The following SCUBE1 variants were observed in gnomAD, a reference collection of about 807,000 sequenced individuals.
The protein encoded by SCUBE1 is signal peptide, CUB and EGF-like domain-containing protein 1.
In SCUBE1, 59 loss-of-function variants were observed where a neutral mutation model predicts 124.4. That is an observed-to-expected ratio of 0.47 (90% CI 0.38 to 0.59). SCUBE1 has a LOEUF of 0.59. Among genes scored for constraint, SCUBE1 ranks in the 20% least tolerant of loss-of-function variants. The pLI is 0.00. For missense variants in SCUBE1, 1,150 were observed against 1,371.2 expected (o/e 0.84, Z 2.55); for synonymous variants, 545 against 550.9 (o/e 0.99, Z 0.15).
chr22:43,284,269 C>T (rs180935303), intron 4 of SCUBE1, among the ~76,000 whole-genome samples: 1 of 152,366 alleles, frequency 6.6e-6, no homozygotes, highest in East Asian at 1.9e-4. Flanking sequence ...GAATCCTAAA[C>T]TGTAGGAAGA....
intron 6 of SCUBE1, among the ~76,000 whole-genome samples, chr22:43,239,535 C>T (rs535563422): frequency 6.6e-6 from 1 of 152,392 alleles, no homozygotes; most frequent in Non-Finnish European, 1.5e-5. Flanking sequence ...GGTTTTTGTC[C>T]ACTTGAAGCT....
chr22:43,245,226 G>A lies in SCUBE1; in HGVS notation c.728-6272C>T, dbSNP rs116587483. 2.2e-3 allele frequency among the ~76,000 whole-genome samples: 328 copies of A among 152,368 alleles called. 1 individual carries two copies. Among genetic ancestry groups the A allele is most frequent in the African/African-American group, 7.6e-3 (318 of 41,584 alleles). Reference sequence around the variant, plus strand: ...TGGCCAGCGCTGTGCTGGGCACCACGAATGTGGCCTCCCTTGCGCCTCTGA... The same window carrying A: ...TGGCCAGCGCTGTGCTGGGCACCACAAATGTGGCCTCCCTTGCGCCTCTGA... On this transcript the variant is annotated intron_variant, in intron 6 of 21. Transcript: ENST00000360835.
chr22:43,219,298 A>G (rs1249946906), intron 14 of SCUBE1, among the ~76,000 whole-genome samples: 5 of 151,912 alleles, frequency 3.3e-5, no homozygotes, highest in Admixed American at 6.6e-5. Flanking sequence ...TACTCTTGCT[A>G]TGTGATGCCA....
chr22:43,248,157 T>C (rs1306274466), intron 6 of SCUBE1, among the ~76,000 whole-genome samples: 2 of 152,150 alleles, frequency 1.3e-5, no homozygotes, highest in Non-Finnish European at 2.9e-5. Context: ...AGATGTGGTC[T>C]TGGATGTTTA....
chr22:43,251,978 G>A (rs574717789), intron 6 of SCUBE1, among the ~76,000 whole-genome samples: 1 of 152,148 alleles, frequency 6.6e-6, no homozygotes, highest in Non-Finnish European at 1.5e-5. Context: ...CCCCACGCTG[G>A]GTCCTCAGAG....
intron 2 of SCUBE1, among the ~76,000 whole-genome samples, chr22:43,333,030 T>G (rs935071837): frequency 6.6e-6 from 1 of 152,126 alleles, no homozygotes; most frequent in Admixed American, 6.5e-5. Flanking sequence ...ATCCGGTCTT[T>G]GAGGAGCTCA....
At chr22:43,262,617 G>T (rs566638205) in intron 5 of SCUBE1, 103 bp downstream of exon 5, 1 of 1,404,730 alleles carries the variant, frequency 7.1e-7, no homozygotes. Flanking sequence ...CCATGGGGCT[G>T]GGGACCCTCC....
At chr22:43,253,780 C>T (rs1389845673) in intron 6 of SCUBE1, among the ~76,000 whole-genome samples, 3 of 152,256 alleles carry the variant, frequency 2.0e-5, no homozygotes, top group Non-Finnish European at 2.9e-5. Context: ...ACCACCCATC[C>T]TCTTCCTGGG....
chr22:43,208,152 G>C lies in SCUBE1; in HGVS notation c.2654C>G (p.Ser885Cys). 6.2e-7 allele frequency: 1 copy of C among 1,614,104 alleles called. No homozygotes were observed. The highest frequency in any genetic ancestry group is 8.5e-7 in the Non-Finnish European group (1 of 1,180,002). The part of the protein sequence containing the change: ...YERPIAFTSR[S>C]RKLWIQFKSN... ...TTTGAACTGGATCCAGAGCTTGCGG[G>C]AGCGGGAGGTGAAGGCGATGGGCCT... is the stretch of plus-strand genomic sequence containing the variant. Residue 885 changes from serine (S) to cysteine (C), a missense_variant, in exon 20 of 22, where the codon TCC becomes TGC. Coordinates refer to ENST00000360835, the MANE Select transcript of SCUBE1 (RefSeq NM_173050.5).
intron 4 of SCUBE1, among the ~76,000 whole-genome samples, chr22:43,266,166 G>A (rs980506984): frequency 3.3e-5 from 5 of 152,126 alleles, no homozygotes. Context: ...ATATTTTCCA[G>A]AACAAGGAGG....
chr22:43,280,562 A>C (rs1924756353), intron 4 of SCUBE1, among the ~76,000 whole-genome samples: 1 of 119,184 alleles, frequency 8.4e-6, no homozygotes, highest in Non-Finnish European at 1.8e-5. Context: ...CCCCTCACCC[A>C]TCCTGCTGTC....
intron 9 of SCUBE1, among the ~76,000 whole-genome samples, chr22:43,228,335 G>A (rs767873509): frequency 3.4e-4 from 52 of 152,190 alleles, no homozygotes; most frequent in African/African-American, 1.2e-3. Context: ...ACCCTGCCCC[G>A]GCTCCAGCAG....
At chr22:43,207,649 G>T (rs1433910341) in intron 20 of SCUBE1, 36 bp from the exon 21 acceptor site, 10 of 1,532,478 alleles carry the variant, frequency 6.5e-6, no homozygotes, top group Non-Finnish European at 9.0e-7. Context: ...AGGAAGGCGA[G>T]GGGCTTGAGG....
At chr22:43,260,530 T>G (rs1012791547) in intron 5 of SCUBE1, among the ~76,000 whole-genome samples, 1 of 152,236 alleles carries the variant, frequency 6.6e-6, no homozygotes, top group Admixed American at 6.5e-5. Flanking sequence ...GCTTGAGATC[T>G]GGAATTTCCT....
chr22:43,250,080 C>T (rs940482930), intron 6 of SCUBE1, among the ~76,000 whole-genome samples: 7 of 152,252 alleles, frequency 4.6e-5, no homozygotes, highest in Admixed American at 2.0e-4. Flanking sequence ...AGGAAGTACA[C>T]GCTATCACGA....
chr22:43,255,503 G>T lies in SCUBE1; in HGVS notation c.727+2716C>A, dbSNP rs760772746. On this transcript the variant is annotated intron_variant, in intron 6 of 21. Coordinates refer to ENST00000360835, the MANE Select transcript of SCUBE1 (RefSeq NM_173050.5). The surrounding 1 kb of genome is among the most constrained non-coding windows in gnomAD (Gnocchi z 4.7). ...AAAGTGTTACCCATGAGTAGCCGCC[G>T]TTTCACCCGCTTGTCCACATCAGCT... is the stretch of plus-strand genomic sequence containing the variant. 6.4e-7 allele frequency: 1 copy of T among 1,550,576 alleles called. No individual in the cohort carries two copies. The highest frequency in any genetic ancestry group is 1.2e-5 in the South Asian group (1 of 84,060).
intron 3 of SCUBE1, among the ~76,000 whole-genome samples, chr22:43,293,677 G>C (rs1231483849): frequency 6.6e-6 from 1 of 152,228 alleles, no homozygotes; most frequent in Non-Finnish European, 1.5e-5. Flanking sequence ...CCTGGACATG[G>C]GCAGCTGTCC....
intron 16 of SCUBE1, 53 bp downstream of exon 16, chr22:43,214,037 A>AGGCGGGGGGGGGGGGGGG: frequency 1.3e-6 from 1 of 784,210 alleles, no homozygotes; most frequent in Non-Finnish European, 1.9e-6. Flanking sequence ...CAGAGACAGG[A>AGGCGGGGGGGGGGGGGGG]GGAGCCCCCG....
Position 43,243,468 on chromosome 22 carries a change from C to A in SCUBE1, c.728-4514G>T, listed in dbSNP as rs11913816. ...TGGGCCCTGCAGGGGAGGCCGGGCG[C>A]TCCACTGGACCCTGCATGCAGCCTG... On this transcript the variant is annotated intron_variant, in intron 6 of 21. Transcript: ENST00000360835. 6.1e-3 allele frequency among the ~76,000 whole-genome samples: 934 copies of A among 152,380 alleles called. 8 individuals are homozygous for A. Among genetic ancestry groups the A allele is most frequent in the African/African-American group, 0.021 (884 of 41,586 alleles).
Sources: allele counts gnomAD v4.1 joint callset (sites outside exome capture counted in the v4.1 genomes callset), GRCh38; gene constraint gnomAD v4.1.1; non-coding constraint Gnocchi (gnomAD v3.1); transcripts MANE v1.5; gene names NCBI Gene and HGNC (gene_info 2026-07-23, HGNC 2026-07-21).